The following SOX6 variants were observed in gnomAD, a reference collection of about 807,000 sequenced individuals.
SOX6 encodes the protein transcription factor SOX-6.
Under a neutral mutation model 97.8 loss-of-function variants are expected in SOX6, and 11 were observed. The observed-to-expected ratio is 0.11, with a 90% confidence interval of 0.07 to 0.19. The LOEUF (loss-of-function observed/expected upper bound fraction) is 0.19, where lower values mean the gene tolerates loss of function less well. Ranked by LOEUF, SOX6 falls within the 10% of genes least tolerant of loss-of-function variation. The pLI, the probability that SOX6 is intolerant of heterozygous loss-of-function variation, is 1.00. For missense variants in SOX6, 810 were observed against 1,039.5 expected (o/e 0.78, Z 3.04); for synonymous variants, 360 against 371.4 (o/e 0.97, Z 0.35).
intron 12 of SOX6, among the ~76,000 whole-genome samples, chr11:16,030,597 T>C (rs1855344324): frequency 6.6e-6 from 1 of 152,304 alleles, no homozygotes; most frequent in Non-Finnish European, 1.5e-5. Flanking sequence ...AAAACCAGTT[T>C]GTACAAAACC....
intron 1 of SOX6, among the ~76,000 whole-genome samples, chr11:16,448,410 AT>A (rs1039158335): frequency 1.3e-4 from 19 of 150,730 alleles, no homozygotes; most frequent in African/African-American, 1.7e-4. Context: ...CACTACTCTC[AT>A]TTTTTTTTCC....
intron 3 of SOX6, among the ~76,000 whole-genome samples, chr11:16,252,759 C>A (rs537961819): frequency 1.3e-5 from 2 of 152,228 alleles, no homozygotes; most frequent in East Asian, 3.9e-4. Flanking sequence ...ACTCCAACCC[C>A]CTCAAGCCTT....
intron 6 of SOX6, among the ~76,000 whole-genome samples, chr11:16,144,262 A>G (rs1045588717): frequency 2.6e-5 from 4 of 152,232 alleles, no homozygotes; most frequent in African/African-American, 9.6e-5. Flanking sequence ...CTGGGTACAT[A>G]AGGAAATGAA....
intron 13 of SOX6, among the ~76,000 whole-genome samples, chr11:15,995,814 C>G (rs80004781): frequency 0.093 from 14,095 of 152,154 alleles, 1,353 homozygotes; most frequent in East Asian, 0.36. Flanking sequence ...GACTAGTAGA[C>G]TATGCAACAT....
intron 1 of SOX6, among the ~76,000 whole-genome samples, chr11:16,462,770 A>C (rs185938874): frequency 3.0e-4 from 45 of 152,286 alleles, no homozygotes; most frequent in Non-Finnish European, 5.9e-4. Flanking sequence ...CCAGGAAAAA[A>C]ACTCAGCAGG....
intron 7 of SOX6, among the ~76,000 whole-genome samples, chr11:16,103,212 G>T (rs1848993257): frequency 6.6e-6 from 1 of 151,768 alleles, no homozygotes; most frequent in South Asian, 2.1e-4. Context: ...AGTGGGCAAA[G>T]GACATGAATA....
chr11:16,347,404 A>C (rs760012996), intron 1 of SOX6, among the ~76,000 whole-genome samples: 7 of 152,134 alleles, frequency 4.6e-5, no homozygotes, highest in Non-Finnish European at 8.8e-5. Flanking sequence ...ACTTAACAAT[A>C]AGAGTAAAAC....
chr11:16,391,487 T>C (rs1858181153), intron 1 of SOX6, among the ~76,000 whole-genome samples: 1 of 152,208 alleles, frequency 6.6e-6, no homozygotes, highest in Non-Finnish European at 1.5e-5. Context: ...TTTTTCATTA[T>C]ATCCTCTTTG....
intron 3 of SOX6, among the ~76,000 whole-genome samples, chr11:16,287,848 C>T (rs759506980): frequency 6.6e-6 from 1 of 152,074 alleles, no homozygotes. Flanking sequence ...CCTTGGGTAC[C>T]GTCAGGTGGT....
intron 4 of SOX6, among the ~76,000 whole-genome samples, chr11:16,593,262 G>A (rs999223891): frequency 6.6e-6 from 1 of 152,126 alleles, no homozygotes; most frequent in African/African-American, 2.4e-5. Flanking sequence ...GGAAATAGGG[G>A]AGTGCCCACC....
At chr11:16,061,540 C>T (rs989728942) in intron 9 of SOX6, among the ~76,000 whole-genome samples, 6 of 151,572 alleles carry the variant, frequency 4.0e-5, no homozygotes, top group Non-Finnish European at 7.4e-5. Context: ...TTAGAAAAAA[C>T]AATCCTAAAA....
chr11:16,469,818 AT>A (rs1416583891), intron 1 of SOX6, among the ~76,000 whole-genome samples: 5 of 152,048 alleles, frequency 3.3e-5, no homozygotes, highest in Non-Finnish European at 7.4e-5. Context: ...TATTAAAAAT[AT>A]TTTTTTCTCA....
chr11:16,294,816 T>C lies in SOX6; in HGVS notation c.445+23630A>G, dbSNP rs532445135. Among the ~76,000 whole-genome samples, 42 of 152,218 alleles carry C rather than the reference T, an allele frequency of 2.8e-4. No individual in the cohort carries two copies. In the South Asian group the frequency reaches 8.5e-3, roughly 31 times the overall value. On this transcript the variant is annotated intron_variant, in intron 3 of 15. Transcript: ENST00000683767. ...TGAATTGTTTAAGGGGATTTAAAGA[T>C]ATGAGTTAAAAGAATTTCATAATCT...
chr11:16,447,736 T>A (rs1172960819), intron 1 of SOX6, among the ~76,000 whole-genome samples: 5 of 152,064 alleles, frequency 3.3e-5, no homozygotes, highest in Admixed American at 2.0e-4. Flanking sequence ...GGGAAAAAAA[T>A]TTGCTTACTT....
intron 2 of SOX6, among the ~76,000 whole-genome samples, chr11:16,326,619 C>T (rs1856102290): frequency 6.6e-6 from 1 of 152,148 alleles, no homozygotes; most frequent in African/African-American, 2.4e-5. Flanking sequence ...GATTTATCTA[C>T]ATTTGAGGCA....
chr11:16,419,276 T>G (rs917801599), intron 1 of SOX6, among the ~76,000 whole-genome samples: 1 of 152,204 alleles, frequency 6.6e-6, no homozygotes, highest in African/African-American at 2.4e-5. Context: ...TTTTGTAGCT[T>G]CTTTGCCCTA....
At chr11:16,486,472 G>A (rs1414379629) in intron 4 of SOX6, among the ~76,000 whole-genome samples, 1 of 151,954 alleles carries the variant, frequency 6.6e-6, no homozygotes, top group African/African-American at 2.4e-5. Context: ...AAGGCAAAGA[G>A]GGTCCTGTAT....
At chr11:16,067,456 C>A (rs1385868852) in intron 9 of SOX6, among the ~76,000 whole-genome samples, 1 of 152,016 alleles carries the variant, frequency 6.6e-6, no homozygotes, top group African/African-American at 2.4e-5. Context: ...CACCCTCTTG[C>A]CTGACACCAT....
intron 12 of SOX6, chr11:16,031,362 C>G (rs961774434): frequency 6.6e-6 from 1 of 152,150 alleles, no homozygotes; most frequent in Non-Finnish European, 1.5e-5. Flanking sequence ...CATTGCACAG[C>G]CATTTAAATA....
Sources: allele counts gnomAD v4.1 joint callset (sites outside exome capture counted in the v4.1 genomes callset), GRCh38; gene constraint gnomAD v4.1.1; transcripts MANE v1.5; gene names NCBI Gene and HGNC (gene_info 2026-07-23, HGNC 2026-07-21).